UPF2: variants seen among roughly 807,000 people sequenced by gnomAD.
UPF2 encodes regulator of nonsense transcripts 2.
Under a neutral mutation model 141.4 loss-of-function variants are expected in UPF2, and 17 were observed. The observed-to-expected ratio is 0.12, with a 90% CI of 0.08 to 0.18. The LOEUF is 0.18. Ranked by LOEUF, UPF2 falls within the 10% of genes least tolerant of loss-of-function variation. The probability of loss-of-function intolerance (pLI) is 1.00; values close to 1 mark genes in which losing one functional copy is unlikely to be tolerated. For synonymous variants in UPF2, 540 were observed against 498.0 expected (o/e 1.08, Z -1.12); for missense variants, 1,152 against 1,515.9 (o/e 0.76, Z 3.99).
chr10:12,004,511 T>C lies in UPF2; in HGVS notation c.1504+19A>G, dbSNP rs1454031438. On this transcript the variant is annotated intron_variant, in intron 5 of 21. Transcript: ENST00000357604. ...ATTCTTATAGCACTTAATGTAAATA[T>C]TTTTTCTCTAGAATTTACCTTTGGT... is the stretch of plus-strand genomic sequence containing the variant. The C allele has an allele frequency of 1.3e-6, 2 of 1,579,358 alleles. No homozygotes were observed. The highest frequency in any genetic ancestry group is 4.5e-5 in the East Asian group (2 of 44,526).
At chr10:11,972,932 A>G (rs761238267) in intron 9 of UPF2, among the ~76,000 whole-genome samples, 2 of 152,184 alleles carry the variant, frequency 1.3e-5, no homozygotes, top group Non-Finnish European at 2.9e-5. Flanking sequence ...TGGTATTTCC[A>G]GTTCTAGATC....
chr10:12,004,550 G>T lies in UPF2; in HGVS notation c.1484C>A (p.Ser495Tyr). The change falls in exon 5 of 22, where the codon TCC becomes TAC. Residue 495 changes from serine to tyrosine, a missense_variant. This residue lies in a region of UPF2 where 739 missense variants were observed against 1,032.2 expected (regional missense o/e 0.72). Coordinates refer to ENST00000357604, the MANE Select transcript of UPF2 (RefSeq NM_015542.4). ...TTTACCTTTGGTATCATCTTTGTTG[G>T]ACTCTTTATTCTGACAACTTTTTTC... ...DNEKSCQNKE[S>Y]NKDDTKEAKE... 1.2e-6 allele frequency: 2 copies of T among 1,610,204 alleles called. No homozygotes were observed. Among genetic ancestry groups the T allele is most frequent in the South Asian group, 2.2e-5 (2 of 90,348 alleles).
At chr10:12,012,641 C>T (rs1382027528) in intron 4 of UPF2, among the ~76,000 whole-genome samples, 1 of 151,580 alleles carries the variant, frequency 6.6e-6, no homozygotes, top group African/African-American at 2.4e-5. Flanking sequence ...CTACTAAAAA[C>T]ACAAAAACTT....
At chr10:11,969,635 A>G (rs568232097) in intron 9 of UPF2, among the ~76,000 whole-genome samples, 1 of 152,360 alleles carries the variant, frequency 6.6e-6, no homozygotes, top group Admixed American at 6.5e-5. Context: ...GCCTTCATAA[A>G]GAAACTTTCA....
At chr10:11,985,592 G>A (rs1055641121) in intron 8 of UPF2, among the ~76,000 whole-genome samples, 4 of 148,620 alleles carry the variant, frequency 2.7e-5, no homozygotes, top group Non-Finnish European at 5.9e-5. Context: ...CTGCACTCCA[G>A]CCTGGGCGAC....
chr10:12,018,432 T>G (rs1834261302), intron 3 of UPF2, among the ~76,000 whole-genome samples: 2 of 151,914 alleles, frequency 1.3e-5, no homozygotes, highest in Admixed American at 1.3e-4. Context: ...AATACAAAAA[T>G]TAGCCAGGCA....
At position 11,952,205 on chromosome 10, in the gene UPF2, G is replaced by A. The variant is rs766816918; in HGVS notation, c.2895C>T (p.Asp965=). 10 of 1,612,844 alleles carry A rather than the reference G, an allele frequency of 6.2e-6. No individual in the cohort carries two copies. The highest frequency in any genetic ancestry group is 8.5e-6 in the Non-Finnish European group (10 of 1,179,556). The change falls in exon 15 of 22, where the codon GAC becomes GAT. Residue 965 remains aspartate, a synonymous_variant. Transcript: ENST00000357604. ...WKKSLEVWTK[D]HPFPIDIDYM... is the part of the protein sequence containing the mutation. The stretch of plus-strand genomic sequence containing the variant: ...AATCTATATCAATAGGAAATGGATG[G>A]TCTTTTGTCCAAACCTCCAAACTTT...
intron 3 of UPF2, among the ~76,000 whole-genome samples, chr10:12,024,918 G>A (rs1226990800): frequency 8.4e-6 from 1 of 119,600 alleles, no homozygotes; most frequent in African/African-American, 3.1e-5. Flanking sequence ...CAGGTAAGAG[G>A]GAGACCCTGT....
At position 11,997,700 on chromosome 10, in the gene UPF2, G is replaced by A. The variant is rs180827437; in HGVS notation, c.1816C>T (p.Arg606Trp). The A allele has an allele frequency of 3.1e-6, 5 of 1,613,690 alleles. No homozygotes were observed. The highest frequency in any genetic ancestry group is 2.2e-5 in the East Asian group (1 of 44,802). The change falls in exon 8 of 22, where the codon CGG becomes TGG. Residue 606 changes from arginine (R) to tryptophan (W), a missense_variant. Arg to Trp is a moderately radical substitution (Grantham distance 101). Around this residue, in one of 4 missense-constraint regions of UPF2, gnomAD observed 739 missense variants for 1,032.2 expected, o/e 0.72. Coordinates refer to ENST00000357604, the MANE Select transcript of UPF2 (RefSeq NM_015542.4). The part of the protein sequence containing the change: ...NTKANRKKLV[R>W]ALFIVPRQRL... ...TGTCTAGGAACTATGAAGAGTGCCCGTACCAACTTCTTCCTGTTTGCTTTT... is the reference window on the plus strand; with the variant it reads ...TGTCTAGGAACTATGAAGAGTGCCCATACCAACTTCTTCCTGTTTGCTTTT...
At chr10:11,999,416 G>C (rs980920260) in intron 7 of UPF2, among the ~76,000 whole-genome samples, 2 of 151,158 alleles carry the variant, frequency 1.3e-5, no homozygotes, top group African/African-American at 4.9e-5. Flanking sequence ...GAGAGGCTGA[G>C]GCAGGAGAAT....
At chr10:12,012,254 G>A (rs1371747106) in intron 4 of UPF2, among the ~76,000 whole-genome samples, 1 of 3,444 alleles carries the variant, frequency 2.9e-4, no homozygotes, top group Non-Finnish European at 5.0e-4. Context: ...GTAGAGACAC[G>A]GTTTCACCAT....
intron 9 of UPF2, among the ~76,000 whole-genome samples, chr10:11,975,525 T>C (rs1201932838): frequency 6.6e-6 from 1 of 152,124 alleles, no homozygotes; most frequent in East Asian, 1.9e-4. Context: ...TGTTGTTTTT[T>C]GAGATGGAGT....
chr10:11,947,972 G>C (rs1037313719), intron 16 of UPF2, among the ~76,000 whole-genome samples: 4 of 151,852 alleles, frequency 2.6e-5, no homozygotes, highest in Non-Finnish European at 4.4e-5. Flanking sequence ...AGGAGGCCAG[G>C]TGCGGTGGCT....
rs772859151 is a variant in UPF2, at chr10:11,964,114, T to A, written c.2079A>T (p.Ser693=). ...DTLHCLKMLL[S]DFSHHHIEMA... is the part of the protein sequence containing the mutation. Reference sequence around the variant, plus strand: ...TTTCAATATGGTGATGAGAGAAGTCTGACAGAAGCATCTGCAACAGGAAGA... The same window carrying A: ...TTTCAATATGGTGATGAGAGAAGTCAGACAGAAGCATCTGCAACAGGAAGA... The change falls in exon 11 of 22, where the codon TCA becomes TCT. Residue 693 remains serine, a synonymous_variant. Coordinates refer to ENST00000357604, the MANE Select transcript of UPF2 (RefSeq NM_015542.4). The A allele has an allele frequency of 6.2e-7, 1 of 1,611,878 alleles. No homozygotes were observed.
intron 16 of UPF2, among the ~76,000 whole-genome samples, chr10:11,947,109 C>G (rs1055249904): frequency 1.3e-5 from 2 of 152,088 alleles, no homozygotes; most frequent in African/African-American, 2.4e-5. Flanking sequence ...AGCTGAGGCA[C>G]AAGAATCACT....
rs113717979 is a variant in UPF2, at chr10:12,000,005, T to C, written c.1659A>G (p.Gln553=). The change falls in exon 7 of 22, where the codon CAA becomes CAG. Residue 553 remains glutamine, a synonymous_variant. Coordinates refer to ENST00000357604, the MANE Select transcript of UPF2 (RefSeq NM_015542.4). ...ATCCAGTGCTGGCTTCCTCATCTTC[T>C]TGTTCTAATGTAAAATTAGTTTTTA... ...LTKKLLDEQE[Q]EDEEASTGSH... 22 of 1,598,620 alleles carry C rather than the reference T, an allele frequency of 1.4e-5. No individual in the cohort carries two copies. Among genetic ancestry groups the C allele is most frequent in the Non-Finnish European group, 1.8e-5 (21 of 1,175,554 alleles).
intron 19 of UPF2, among the ~76,000 whole-genome samples, chr10:11,933,667 T>C (rs1355343751): frequency 2.6e-5 from 4 of 152,220 alleles, no homozygotes; most frequent in Non-Finnish European, 4.4e-5. Flanking sequence ...TGCTGGAGTA[T>C]ACTTATTTTC....
intron 4 of UPF2, among the ~76,000 whole-genome samples, chr10:12,011,102 C>A (rs1185507498): frequency 6.6e-6 from 1 of 152,198 alleles, no homozygotes; most frequent in Non-Finnish European, 1.5e-5. Context: ...CCACCTCAGC[C>A]TCCCAAGTAG....
intron 5 of UPF2, among the ~76,000 whole-genome samples, chr10:12,002,563 G>A (rs1026859387): frequency 6.6e-6 from 1 of 152,112 alleles, no homozygotes; most frequent in African/African-American, 2.4e-5. Context: ...TAACTTAGCA[G>A]CAATATATAA....
Sources: gnomAD v4.1 joint callset for allele counts (sites outside exome capture counted in the v4.1 genomes callset) on GRCh38, gnomAD v4.1.1 for gene constraint, gnomAD v4.1.1 regional missense constraint, MANE v1.5 for transcripts, NCBI Gene and HGNC (gene_info 2026-07-23, HGNC 2026-07-21) for gene names.